GPC1: variants seen among roughly 807,000 people sequenced by gnomAD.
The protein encoded by GPC1 is glypican-1.
In GPC1, 26 loss-of-function variants were observed where a neutral mutation model predicts 51.5. That is an observed-to-expected ratio of 0.50 (90% confidence interval 0.37 to 0.70). GPC1 has a LOEUF of 0.70. GPC1 is among the 30% of genes least tolerant of loss of function. The pLI is 0.00. For missense variants in GPC1, 775 were observed against 800.5 expected (o/e 0.97, Z 0.38); for synonymous variants, 380 against 348.3 (o/e 1.09, Z -1.01).
chr2:240,459,069 G>A lies in GPC1; in HGVS notation c.206G>A (p.Cys69Tyr), dbSNP rs746932317. ...ATCTGTCCCCAGGGCTACACCTGCT[G>A]CACCAGCGAGATGGAGGAGAACCTG... ...LRICPQGYTC[C>Y]TSEMEENLAN... Residue 69 changes from cysteine (C) to tyrosine (Y), a missense_variant, in exon 2 of 9, where the codon TGC becomes TAC. Cys to Tyr is a radical substitution (Grantham distance 194). Transcript: ENST00000264039. The A allele has an allele frequency of 1.2e-6, 2 of 1,612,870 alleles. No homozygotes were observed. The highest frequency in any genetic ancestry group is 1.1e-5 in the South Asian group (1 of 91,080).
At chr2:240,450,265 C>G in intron 1 of GPC1, 2 of 321,938 alleles carry the variant, frequency 6.2e-6, no homozygotes, top group South Asian at 5.1e-5. Context: ...AGGGAGACGC[C>G]CTCCTGGGAC....
Position 240,435,978 on chromosome 2 carries a change from C to T in GPC1, c.60C>T (p.Cys20=), listed in dbSNP as rs1273032433. 5 of 1,358,134 alleles carry T rather than the reference C, an allele frequency of 3.7e-6. No homozygotes were observed. The highest frequency in any genetic ancestry group is 1.8e-5 in the South Asian group (1 of 55,564). The allele number at this position is 1,358,134 out of a possible 1,614,324, so 84.1% of individuals were successfully genotyped here. Residue 20 remains cysteine (C), a synonymous_variant, in exon 1 of 9, where the codon TGC becomes TGT. Transcript: ENST00000264039. ...GTGCGGCCGCAGCGCTGGTCGCCTGCGCCCGCGGGGACCCGGCCAGCAAGA... is the reference window on the plus strand; with the variant it reads ...GTGCGGCCGCAGCGCTGGTCGCCTGTGCCCGCGGGGACCCGGCCAGCAAGA... The part of the protein sequence containing the change: ...LLCAAAALVA[C]ARGDPASKSR...
chr2:240,452,900 C>A, intron 1 of GPC1: 1 of 269,086 alleles, frequency 3.7e-6, no homozygotes, highest in South Asian at 3.1e-5. Context: ...TCGTCCCCCG[C>A]TGGCTTTTCG....
Position 240,459,064 on chromosome 2 carries a change from C to CAG in GPC1, c.201_202insAG (p.Cys68SerfsTer49). On this transcript the variant is annotated frameshift_variant, in exon 2 of 9. Transcript: ENST00000264039. LOFTEE classifies it high-confidence loss of function. ...TGCGGATCTGTCCCCAGGGCTACAC[C>CAG]TGCTGCACCAGCGAGATGGAGGAGA... 1 of 1,612,904 alleles carries CAG rather than the reference C, an allele frequency of 6.2e-7. No homozygotes were observed. Among genetic ancestry groups the CAG allele is most frequent in the Non-Finnish European group, 8.5e-7 (1 of 1,179,892 alleles).
chr2:240,436,003 A>T lies in GPC1; in HGVS notation c.85A>T (p.Ser29Cys). 7.2e-7 allele frequency: 1 copy of T among 1,384,566 alleles called. No individual in the cohort carries two copies. The highest frequency in any genetic ancestry group is 9.4e-7 in the Non-Finnish European group (1 of 1,066,586). 85.8% of individuals were successfully genotyped at this position (1,384,566 alleles called of 1,614,324 possible). A position where few individuals can be genotyped will look rare whatever the true frequency, so the allele number is the denominator to read the frequency against. ...CGCCCGCGGGGACCCGGCCAGCAAGAGCCGGAGCTGCGGCGAGGTCCGCCA... is the reference window on the plus strand; with the variant it reads ...CGCCCGCGGGGACCCGGCCAGCAAGTGCCGGAGCTGCGGCGAGGTCCGCCA... ...ACARGDPASKSRSCGEVRQIY... is the reference protein window; with the variant it reads ...ACARGDPASKCRSCGEVRQIY... The change falls in exon 1 of 9, where the codon AGC (serine) becomes TGC (cysteine). Residue 29 changes from serine to cysteine, a missense_variant. Transcript: ENST00000264039.
Position 240,462,279 on chromosome 2 carries a change from G to A in GPC1, c.414G>A (p.Ala138=), listed in dbSNP as rs190580810. The change falls in exon 3 of 9, where the codon GCG becomes GCA. Residue 138 remains alanine (A), a synonymous_variant. Transcript: ENST00000264039. ...GAFGELYTQN[A]RAFRDLYSEL... is the part of the protein sequence containing the mutation. ...TCGGAGAGCTGTACACGCAGAACGC[G>A]AGGGCCTTCCGGGACCTGTACTCAG... 1,418 of 1,610,068 alleles carry A rather than the reference G, an allele frequency of 8.8e-4. 10 individuals carry two copies. Among genetic ancestry groups the A allele is most frequent in the Non-Finnish European group, 5.0e-4 (594 of 1,178,820 alleles).
At chr2:240,450,705 AT>A in intron 1 of GPC1, 1 of 468,786 alleles carries the variant, frequency 2.1e-6, no homozygotes, top group South Asian at 1.6e-5. Flanking sequence ...CTCGTGGGCC[AT>A]GCTGGCAGTG....
intron 2 of GPC1, among the ~76,000 whole-genome samples, chr2:240,460,748 GT>G (rs1244123517): frequency 1.3e-5 from 2 of 152,168 alleles, no homozygotes; most frequent in Non-Finnish European, 2.9e-5. Context: ...GACCCACTAT[GT>G]GATGTGCCCA....
At chr2:240,438,572 C>A (rs2073998969) in intron 1 of GPC1, among the ~76,000 whole-genome samples, 1 of 152,198 alleles carries the variant, frequency 6.6e-6, no homozygotes, top group Admixed American at 6.5e-5. Flanking sequence ...GAATGCGAAC[C>A]CCCTGGGGTT....
At chr2:240,460,231 C>CGAT (rs1487937829) in intron 2 of GPC1, among the ~76,000 whole-genome samples, 1 of 152,092 alleles carries the variant, frequency 6.6e-6, no homozygotes, top group African/African-American at 2.4e-5. Context: ...ACTTGGACAT[C>CGAT]GATGCTCAGA....
chr2:240,436,147 C>G, intron 1 of GPC1, 63 bp downstream of exon 1: 1 of 1,108,536 alleles, frequency 9.0e-7, no homozygotes, highest in African/African-American at 1.6e-5. Context: ...GGACCCTGGT[C>G]TTCCCGACGC....
At chr2:240,452,834 GC>G in intron 1 of GPC1, 1 of 188,002 alleles carries the variant, frequency 5.3e-6, no homozygotes, top group Non-Finnish European at 1.1e-5. Flanking sequence ...CTGCGGCGCT[GC>G]CCGGGGTGGC....
At chr2:240,445,790 C>T (rs1021120432) in intron 1 of GPC1, among the ~76,000 whole-genome samples, 5 of 152,214 alleles carry the variant, frequency 3.3e-5, no homozygotes, top group African/African-American at 1.2e-4. Flanking sequence ...GACGTCGCCG[C>T]TGTTTATGCC....
At chr2:240,463,865 A>G (rs2074237896) in intron 4 of GPC1, 1 of 313,468 alleles carries the variant, frequency 3.2e-6, no homozygotes, top group Admixed American at 4.7e-5. Flanking sequence ...GTCACATGAC[A>G]GGCTGACACA....
chr2:240,459,330 G>A, intron 2 of GPC1, 142 bp downstream of exon 2: 1 of 832,482 alleles, frequency 1.2e-6, no homozygotes, highest in Non-Finnish European at 1.9e-6. Flanking sequence ...TTGGGGCTAG[G>A]GCGCTGGGTT....
At chr2:240,450,161 G>A (rs1405536529) in intron 1 of GPC1, 1 of 341,636 alleles carries the variant, frequency 2.9e-6, no homozygotes, top group Non-Finnish European at 5.7e-6. Flanking sequence ...TTGTGGCTGT[G>A]GGGCAGGGCT....
At chr2:240,462,007 G>A (rs961207265) in intron 2 of GPC1, among the ~76,000 whole-genome samples, 184 bp from the exon 3 acceptor site, 9 of 152,122 alleles carry the variant, frequency 5.9e-5, no homozygotes, top group African/African-American at 1.4e-4. Context: ...CAGGCCAGGG[G>A]GTGAGGTCTC....
rs1482300323 is a variant in GPC1 at position 240,465,142 on chromosome 2, G to A, written c.1200G>A (p.Leu400=). The A allele has an allele frequency of 1.2e-6, 2 of 1,612,290 alleles. No homozygotes were observed. The highest frequency in any genetic ancestry group is 2.7e-5 in the African/African-American group (2 of 74,942). Residue 400 remains leucine (L), a synonymous_variant, in exon 7 of 9, where the codon CTG becomes CTA. Transcript: ENST00000264039. ...TCTGGATCAGCCTCCCAGGGACACTGTGCAGTGAGAAGATGGCCCTGAGCA... is the reference window on the plus strand; with the variant it reads ...TCTGGATCAGCCTCCCAGGGACACTATGCAGTGAGAAGATGGCCCTGAGCA... ...QDFWISLPGT[L]CSEKMALSTA... is the part of the protein sequence containing the mutation.
rs538373721 is a variant in GPC1 at position 240,454,417 on chromosome 2, G to A, written c.167-4613G>A. On this transcript the variant is annotated intron_variant, in intron 1 of 8. Transcript: ENST00000264039. The stretch of plus-strand genomic sequence containing the variant: ...CAGCCACCGGAGCTGGTTGGGGTCC[G>A]AGAGCAGATGGGCCAGGGGCTGGGG... Among the ~76,000 whole-genome samples, 3 of 152,344 alleles carry A rather than the reference G, an allele frequency of 2.0e-5. No individual in the cohort carries two copies. In the South Asian group the frequency reaches 6.2e-4, roughly 32 times the overall value.
Sources: gnomAD v4.1 joint callset for allele counts (sites outside exome capture counted in the v4.1 genomes callset) on GRCh38, gnomAD v4.1.1 for gene constraint, MANE v1.5 for transcripts, NCBI Gene and HGNC (gene_info 2026-07-23, HGNC 2026-07-21) for gene names.